CDK12: variants seen among roughly 807,000 people sequenced by gnomAD.
CDK12 encodes cyclin dependent kinase 12, also known as cyclin-dependent kinase 12.
A neutral mutation model predicts 133.8 loss-of-function variants in CDK12; 17 were observed. That is an observed-to-expected ratio of 0.13 (90% CI 0.09 to 0.19). CDK12 has a LOEUF of 0.19. Ranked by LOEUF, CDK12 falls within the 10% of genes least tolerant of loss-of-function variation. The probability of loss-of-function intolerance (pLI) is 1.00; values close to 1 mark genes in which losing one functional copy is unlikely to be tolerated. For missense variants in CDK12, 1,508 were observed against 1,818.7 expected (o/e 0.83, Z 3.11); for synonymous variants, 694 against 683.6 (o/e 1.02, Z -0.24).
rs180928657 is a variant in CDK12 at position 39,495,782 on chromosome 17, G to A, written c.2419+1088G>A. 5.0e-4 allele frequency among the ~76,000 whole-genome samples: 73 copies of A among 144,972 alleles called. 1 individual carries two copies. In the East Asian group the frequency reaches 9.9e-3, roughly 20 times the overall value. ...TGCACTCCAGCCTGGGCAATAGAGC[G>A]AGACTCCGCCTCAAAAAAAAAAAAA... is the stretch of plus-strand genomic sequence containing the variant. On this transcript the variant is annotated intron_variant, in intron 5 of 13. Transcript: ENST00000447079.
chr17:39,540,197 G>C (rs1338126810), intron 1 of CDK12, among the ~76,000 whole-genome samples: 3 of 152,244 alleles, frequency 2.0e-5, no homozygotes, highest in African/African-American at 7.2e-5. Flanking sequence ...GTCACAGCTT[G>C]GATGTGAGGA....
At position 39,532,100 on chromosome 17, in the gene CDK12, CTT is replaced by C. The variant is rs1443772103; in HGVS notation, c.*786_*787del. The C allele has an allele frequency of 7.4e-5, 13 of 175,690 alleles. No homozygotes were observed. The highest frequency in any genetic ancestry group is 2.7e-4 in the Admixed American group (3 of 11,038). The allele number at this position is 175,690 out of a possible 1,614,324, so 10.9% of individuals were successfully genotyped here. A position where few individuals can be genotyped will look rare whatever the true frequency, so the allele number is the denominator to read the frequency against. Reference sequence around the variant, plus strand: ...TTGCTGATGTGTGCTCTCTCTCTCTCTTTCTCTCTCTCTCTCTCTCTCTCTCT... The same window carrying C: ...TTGCTGATGTGTGCTCTCTCTCTCTCTCTCTCTCTCTCTCTCTCTCTCTCT... On this transcript the variant is annotated 3_prime_UTR_variant, in exon 14 of 14. Coordinates refer to ENST00000447079, the MANE Select transcript of CDK12 (RefSeq NM_016507.4).
At chr17:39,486,596 A>G (rs1412215406) in intron 2 of CDK12, among the ~76,000 whole-genome samples, 1 of 152,170 alleles carries the variant, frequency 6.6e-6, no homozygotes, top group African/African-American at 2.4e-5. Flanking sequence ...GTGAAGCCAA[A>G]CCAAGAAGAA....
chr17:39,468,369 C>G (rs1414604432), intron 1 of CDK12, among the ~76,000 whole-genome samples: 2 of 152,038 alleles, frequency 1.3e-5, no homozygotes, highest in East Asian at 3.8e-4. Flanking sequence ...ACCATATCTC[C>G]CTGATCAAAG....
intron 6 of CDK12, among the ~76,000 whole-genome samples, chr17:39,504,899 A>AAAAAAG (rs58347602): frequency 2.7e-5 from 4 of 147,808 alleles, no homozygotes; most frequent in Non-Finnish European, 4.5e-5. Flanking sequence ...AAAAAAAAAA[A>AAAAAAG]CGCTAAGGAG....
chr17:39,511,353 G>T (rs1337389382), intron 7 of CDK12, among the ~76,000 whole-genome samples, 176 bp from the exon 8 acceptor site: 2 of 152,008 alleles, frequency 1.3e-5, no homozygotes, highest in African/African-American at 4.8e-5. Flanking sequence ...AGGCATGGAA[G>T]TTATTTCTTC....
At chr17:39,563,178 C>T (rs1175583734) in intron 3 of CDK12, among the ~76,000 whole-genome samples, 1 of 151,956 alleles carries the variant, frequency 6.6e-6, no homozygotes, top group Non-Finnish European at 1.5e-5. Flanking sequence ...AACATACAGG[C>T]GTATGCACAC....
chr17:39,561,407 G>A (rs2056369766), intron 3 of CDK12, among the ~76,000 whole-genome samples: 1 of 152,186 alleles, frequency 6.6e-6, no homozygotes, highest in Admixed American at 6.5e-5. Flanking sequence ...GTGGTAGAGA[G>A]GGCATGAGCA....
chr17:39,547,454 G>A (rs377440619), upstream of CDK12, among the ~76,000 whole-genome samples: 72 of 152,206 alleles, frequency 4.7e-4, no homozygotes, highest in Admixed American at 1.6e-3. Flanking sequence ...TCTTTTGAGC[G>A]AATGGTTTTA....
At chr17:39,539,350 G>T (rs1359025179), downstream of CDK12, among the ~76,000 whole-genome samples, 1 of 152,180 alleles carries the variant, frequency 6.6e-6, no homozygotes, top group Non-Finnish European at 1.5e-5. Context: ...AATTCCTTTG[G>T]TGACTGTACT....
At position 39,562,902 on chromosome 17, in the gene CDK12, CTTTTTTTTTTTTT is replaced by C. The variant is rs59852699; in HGVS notation, n.485-1848_485-1836del. Among the ~76,000 whole-genome samples, 131 of 92,388 alleles carry C rather than the reference CTTTTTTTTTTTTT, an allele frequency of 1.4e-3. 1 individual carries two copies. The highest frequency in any genetic ancestry group is 6.4e-3 in the Middle Eastern group (1 of 156). 60.6% of individuals were successfully genotyped at this position (92,388 alleles called of 152,430 possible). ...TCTCCTTTTTTTTTCTTTTTCTTTT[CTTTTTTTTTTTTT>C]TTTTTTTTTACAACTTAAGCAAACT... On this transcript the variant is annotated intron_variant and non_coding_transcript_variant, in intron 3 of 3. Transcript: ENST00000558240.
intron 1 of CDK12, among the ~76,000 whole-genome samples, chr17:39,463,908 AG>A (rs1163540078): frequency 3.3e-5 from 5 of 152,182 alleles, no homozygotes; most frequent in Admixed American, 3.3e-4. Flanking sequence ...TCTTGTTCCT[AG>A]GTAATGAGAT....
At chr17:39,481,448 C>G (rs990216258) in intron 2 of CDK12, among the ~76,000 whole-genome samples, 2 of 150,142 alleles carry the variant, frequency 1.3e-5, no homozygotes, top group Admixed American at 6.7e-5. Context: ...GCTGGGACTA[C>G]AATCACAAGC....
chr17:39,491,053 A>G lies in CDK12; in HGVS notation c.2108+320A>G, dbSNP rs77308903. On this transcript the variant is annotated intron_variant, in intron 3 of 13. Coordinates refer to ENST00000447079, the MANE Select transcript of CDK12 (RefSeq NM_016507.4). ...AGAATAAAAGCTTTTTAAATTCAGG[A>G]TGTGTCAATCGTGTACACATTAACC... is the stretch of plus-strand genomic sequence containing the variant. Among the ~76,000 whole-genome samples, 10 of 152,220 alleles carry G rather than the reference A, an allele frequency of 6.6e-5. No individual in the cohort carries two copies. In the East Asian group the frequency reaches 1.7e-3, roughly 27 times the overall value.
intron 2 of CDK12, among the ~76,000 whole-genome samples, chr17:39,489,753 A>G (rs2051430065): frequency 1.3e-5 from 2 of 150,454 alleles, no homozygotes; most frequent in African/African-American, 2.4e-5. Flanking sequence ...CAGCCTCCCA[A>G]AGTGCTGGGA....
downstream of CDK12, among the ~76,000 whole-genome samples, chr17:39,539,108 G>A (rs1453633874): frequency 6.6e-6 from 1 of 152,128 alleles, no homozygotes; most frequent in Non-Finnish European, 1.5e-5. Context: ...TGTTGAAAGC[G>A]ACTCATAAAT....
At chr17:39,478,325 G>A (rs2050378354) in intron 2 of CDK12, among the ~76,000 whole-genome samples, 1 of 151,834 alleles carries the variant, frequency 6.6e-6, no homozygotes, top group African/African-American at 2.4e-5. Context: ...CCCAGTAGCT[G>A]GGACTACAGG....
At chr17:39,517,683 A>C in intron 10 of CDK12, 127 bp downstream of exon 10, 1 of 622,792 alleles carries the variant, frequency 1.6e-6, no homozygotes, top group South Asian at 2.0e-5. Context: ...AAAACATTTT[A>C]GTTTCGAACA....
rs2054951183 is a variant in CDK12 at position 39,532,986 on chromosome 17, G to A, written c.*1670G>A. 8.6e-6 allele frequency: 2 copies of A among 232,050 alleles called. No homozygotes were observed. Among genetic ancestry groups the A allele is most frequent in the Non-Finnish European group, 1.7e-5 (2 of 117,516 alleles). The allele number at this position is 232,050 out of a possible 1,614,324, so 14.4% of individuals were successfully genotyped here. A position where few individuals can be genotyped will look rare whatever the true frequency, so the allele number is the denominator to read the frequency against. ...TAAACATACTTCAGCATCTTGGAGG[G>A]TAGTTTTCAAAACTCAAGTTTCATG... is the stretch of plus-strand genomic sequence containing the variant. On this transcript the variant is annotated 3_prime_UTR_variant, in exon 14 of 14. Transcript: ENST00000447079.
Sources: gnomAD v4.1 joint callset for allele counts (sites outside exome capture counted in the v4.1 genomes callset) on GRCh38, gnomAD v4.1.1 for gene constraint, MANE v1.5 for transcripts, NCBI Gene and HGNC (gene_info 2026-07-23, HGNC 2026-07-21) for gene names.